The following DPYD variants were observed in gnomAD, a reference collection of about 807,000 sequenced individuals.
DPYD encodes dihydropyrimidine dehydrogenase [NADP(+)].
In DPYD, 109 loss-of-function variants were observed where a neutral mutation model predicts 116.2. That is an observed-to-expected ratio of 0.94 (90% confidence interval 0.80 to 1.10). DPYD has a LOEUF of 1.10. DPYD is among the 50% of genes least tolerant of loss of function. The pLI is 0.00. For synonymous variants in DPYD, 440 were observed against 432.0 expected (o/e 1.02, Z -0.23); for missense variants, 1,302 against 1,254.5 (o/e 1.04, Z -0.57).
intron 18 of DPYD, among the ~76,000 whole-genome samples, chr1:97,285,828 T>C (rs1665640478): frequency 6.6e-6 from 1 of 152,104 alleles, no homozygotes; most frequent in South Asian, 2.1e-4. Flanking sequence ...CCTCTATGTC[T>C]TCATATATTT....
At chr1:97,877,778 T>C (rs1671997787) in intron 2 of DPYD, among the ~76,000 whole-genome samples, 1 of 152,028 alleles carries the variant, frequency 6.6e-6, no homozygotes, top group Non-Finnish European at 1.5e-5. Context: ...TAAAAATTCA[T>C]ATTGTGAATT....
rs1435228262 is a variant in DPYD at position 97,767,771 on chromosome 1, T to TC, written c.234-27293_234-27292insG. Among the ~76,000 whole-genome samples the TC allele has an allele frequency of 9.3e-5, 14 of 151,242 alleles. No homozygotes were observed. The East Asian group carries it at 2.3e-3, about 25-fold the overall frequency. On this transcript the variant is annotated intron_variant, in intron 3 of 22. Coordinates refer to ENST00000370192, the MANE Select transcript of DPYD (RefSeq NM_000110.4). ...TGGGGCTGGCTTTTTTTTTTTTTTT[T>TC]TTTTGCAGCAGTTAACACATGCAAT...
At chr1:97,686,734 G>C (rs945727297) in intron 7 of DPYD, among the ~76,000 whole-genome samples, 12 of 150,314 alleles carry the variant, frequency 8.0e-5, no homozygotes, top group Admixed American at 2.7e-4. Flanking sequence ...CAGGACATAG[G>C]CACGGGCAAA....
chr1:97,545,747 G>A lies in DPYD; in HGVS notation c.1524+3813C>T, dbSNP rs1570936026. The A allele has an allele frequency of 1.8e-5, 28 of 1,516,204 alleles. No individual in the cohort carries two copies. In the South Asian group the frequency reaches 1.9e-4, roughly 10 times the overall value. The allele number at this position is 1,516,204 out of a possible 1,614,324, so 93.9% of individuals were successfully genotyped here. On this transcript the variant is annotated intron_variant, in intron 12 of 22. Transcript: ENST00000370192. ...CCGAACCGTGAAGAAAGGGAATTTC[G>A]TGCTCCAACTTTGGCATCCCTAGAA...
intron 15 of DPYD, among the ~76,000 whole-genome samples, chr1:97,380,605 A>G (rs1317145043): frequency 4.6e-5 from 7 of 152,204 alleles, no homozygotes; most frequent in Admixed American, 4.6e-4. Context: ...AGTTTTATAA[A>G]CTTAAGGTTT....
At chr1:97,100,185 TAAATA>T (rs970811854) in intron 20 of DPYD, among the ~76,000 whole-genome samples, 17 of 152,044 alleles carry the variant, frequency 1.1e-4, no homozygotes, top group African/African-American at 3.9e-4. Context: ...AAGCATAAAA[TAAATA>T]AGAGTATAAA....
intron 20 of DPYD, among the ~76,000 whole-genome samples, chr1:97,192,002 GTCATTCA>G (rs1233281933): frequency 6.6e-6 from 1 of 152,092 alleles, no homozygotes; most frequent in African/African-American, 2.4e-5. Flanking sequence ...CACTCATGGA[GTCATTCA>G]TCATGACATT....
chr1:97,576,440 T>A (rs1401945718), intron 10 of DPYD, among the ~76,000 whole-genome samples: 2 of 152,200 alleles, frequency 1.3e-5, no homozygotes, highest in East Asian at 3.8e-4. Context: ...ATCTTTGCTA[T>A]CTATTAATAC....
At chr1:97,494,186 A>G (rs1036056501) in intron 13 of DPYD, among the ~76,000 whole-genome samples, 1 of 152,164 alleles carries the variant, frequency 6.6e-6, no homozygotes, top group South Asian at 2.1e-4. Flanking sequence ...AAAAAAATTT[A>G]AAATGTTTTA....
At chr1:97,477,106 G>T (rs765390419) in intron 13 of DPYD, among the ~76,000 whole-genome samples, 1 of 152,126 alleles carries the variant, frequency 6.6e-6, no homozygotes, top group Non-Finnish European at 1.5e-5. Flanking sequence ...AGACAACAAT[G>T]AAATTTGCTG....
At chr1:97,764,957 C>T (rs369604120) in intron 3 of DPYD, among the ~76,000 whole-genome samples, 1 of 152,094 alleles carries the variant, frequency 6.6e-6, no homozygotes, top group East Asian at 1.9e-4. Flanking sequence ...TTAAGTTCTA[C>T]GTGAACTAAT....
chr1:97,692,082 T>C (rs1194200848), intron 6 of DPYD, among the ~76,000 whole-genome samples: 3 of 152,246 alleles, frequency 2.0e-5, no homozygotes, highest in African/African-American at 4.8e-5. Context: ...TCAATACTTT[T>C]AAGTTCAATA....
At chr1:97,260,202 G>A (rs1427693774) in intron 18 of DPYD, among the ~76,000 whole-genome samples, 2 of 152,084 alleles carry the variant, frequency 1.3e-5, no homozygotes, top group African/African-American at 4.8e-5. Context: ...GAAATAGTCA[G>A]CTAATAAGTA....
At chr1:97,833,853 T>C (rs896437968) in intron 2 of DPYD, among the ~76,000 whole-genome samples, 5 of 152,284 alleles carry the variant, frequency 3.3e-5, no homozygotes, top group South Asian at 4.1e-4. Flanking sequence ...AAAGTCTTTA[T>C]GGATTTTTTT....
intron 14 of DPYD, among the ~76,000 whole-genome samples, chr1:97,434,568 T>C (rs1270756067): frequency 6.6e-6 from 1 of 152,064 alleles, no homozygotes; most frequent in Admixed American, 6.6e-5. Context: ...GTTTGTGAAT[T>C]ATCTAGGTCT....
intron 5 of DPYD, among the ~76,000 whole-genome samples, chr1:97,702,995 T>C (rs1661693904): frequency 6.6e-6 from 1 of 151,996 alleles, no homozygotes; most frequent in South Asian, 2.1e-4. Flanking sequence ...TATGTGCACA[T>C]ACTAGAATGT....
At chr1:97,668,576 T>A (rs1468875246) in intron 8 of DPYD, among the ~76,000 whole-genome samples, 1 of 152,094 alleles carries the variant, frequency 6.6e-6, no homozygotes, top group Non-Finnish European at 1.5e-5. Flanking sequence ...CACTGCTAGG[T>A]ATATTGCAGA....
chr1:97,198,058 C>A (rs963789020), intron 19 of DPYD, among the ~76,000 whole-genome samples: 1 of 152,096 alleles, frequency 6.6e-6, no homozygotes, highest in Non-Finnish European at 1.5e-5. Flanking sequence ...AGGAACTTTG[C>A]ACATTGATAT....
intron 8 of DPYD, among the ~76,000 whole-genome samples, chr1:97,601,718 GA>G: frequency 6.6e-6 from 1 of 152,042 alleles, no homozygotes; most frequent in South Asian, 2.1e-4. Context: ...TGATGAGAAA[GA>G]GAATAGATCA....
Sources: gnomAD v4.1 joint callset for allele counts (sites outside exome capture counted in the v4.1 genomes callset) on GRCh38, gnomAD v4.1.1 for gene constraint, MANE v1.5 for transcripts, NCBI Gene and HGNC (gene_info 2026-07-23, HGNC 2026-07-21) for gene names.